Variants in FRMPD4 observed in about 807,000 individuals in gnomAD.
FRMPD4 encodes the protein FERM and PDZ domain containing 4.
In FRMPD4, 22 loss-of-function variants were observed where a neutral mutation model predicts 94.1. That is an observed-to-expected ratio of 0.23 (90% CI 0.17 to 0.33). The LOEUF (loss-of-function observed/expected upper bound fraction) is 0.33, where lower values mean the gene tolerates loss of function less well. FRMPD4 is among the 10% of genes least tolerant of loss of function. The pLI is 1.00. For missense variants in FRMPD4, 1,111 were observed against 1,339.9 expected (o/e 0.83, Z 2.67); for synonymous variants, 631 against 548.6 (o/e 1.15, Z -2.10).
chrX:12,661,913 G>C (rs1161173573), intron 4 of FRMPD4, among the ~76,000 whole-genome samples: 2 of 112,258 alleles, frequency 1.8e-5, no homozygotes, highest in East Asian at 5.6e-4. Context: ...ATCTTTGCCA[G>C]CAATTGACTA....
chrX:12,519,155 A>T (rs2058134592), intron 2 of FRMPD4, among the ~76,000 whole-genome samples: 1 of 112,481 alleles, frequency 8.9e-6, no homozygotes, highest in Non-Finnish European at 1.9e-5. Flanking sequence ...AATTCCTGTA[A>T]ATATGACAGT....
At chrX:12,590,616 T>A (rs2058973473) in intron 2 of FRMPD4, among the ~76,000 whole-genome samples, 1 of 112,516 alleles carries the variant, frequency 8.9e-6, no homozygotes, top group Admixed American at 9.4e-5. Context: ...TAAGCTTGTC[T>A]AAATTATATC....
At position 12,151,974 on chromosome X, in the gene FRMPD4, A is replaced by G. The variant is rs764750056; in HGVS notation, c.41+12962A>G. ...ACAGGAGGTAATCTGAGATGCCATT[A>G]AAATGATATTCAAATTTTATGCTAA... On this transcript the variant is annotated intron_variant, in intron 1 of 16. Coordinates refer to ENST00000675598, the MANE Select transcript of FRMPD4 (RefSeq NM_001368397.1). Among the ~76,000 whole-genome samples, 15 of 111,834 alleles carry G rather than the reference A, an allele frequency of 1.3e-4. No individual in the cohort carries two copies. The South Asian group carries it at 4.1e-3, about 31-fold the overall frequency.
chrX:12,602,435 G>A (rs1312284770), intron 2 of FRMPD4, among the ~76,000 whole-genome samples: 1 of 111,371 alleles, frequency 9.0e-6, no homozygotes, highest in African/African-American at 3.3e-5. Flanking sequence ...ATGCCACCAA[G>A]GATAATAAGG....
intron 1 of FRMPD4, among the ~76,000 whole-genome samples, chrX:12,304,992 T>C (rs138102280): frequency 0.013 from 1,414 of 111,908 alleles, 22 homozygotes; most frequent in African/African-American, 0.043. Flanking sequence ...GTAGTGAAGA[T>C]TGGAAATTTG....
intron 2 of FRMPD4, among the ~76,000 whole-genome samples, chrX:12,526,464 C>T (rs1293067112): frequency 8.9e-6 from 1 of 112,607 alleles, no homozygotes; most frequent in East Asian, 2.8e-4. Flanking sequence ...TGGGGCAAAT[C>T]GCGTTGTTAG....
chrX:12,544,045 T>A (rs1156846011), intron 2 of FRMPD4, among the ~76,000 whole-genome samples: 2 of 98,713 alleles, frequency 2.0e-5, no homozygotes, highest in Non-Finnish European at 4.0e-5. Context: ...ATGAGAACAC[T>A]TGGACACAGG....
chrX:12,141,507 C>T (rs768060724), intron 1 of FRMPD4, among the ~76,000 whole-genome samples: 1 of 111,571 alleles, frequency 9.0e-6, no homozygotes, highest in African/African-American at 3.3e-5. Flanking sequence ...TTTAACTATT[C>T]GTTTCCAGAA....
chrX:12,303,182 G>A (rs1399020695), intron 1 of FRMPD4, among the ~76,000 whole-genome samples: 1 of 112,035 alleles, frequency 8.9e-6, no homozygotes, highest in Non-Finnish European at 1.9e-5. Context: ...AAGAATTTCA[G>A]CATTGTTACT....
chrX:12,269,916 A>C (rs776524945), intron 1 of FRMPD4, among the ~76,000 whole-genome samples: 1 of 112,565 alleles, frequency 8.9e-6, no homozygotes, highest in Admixed American at 9.4e-5. Context: ...AACCATGTTT[A>C]ACTTAGAGGT....
rs180691326 is a variant in FRMPD4, at chrX:12,547,525, A to G, written c.158+48729A>G. Reference sequence around the variant, plus strand: ...CATTGGAACATAGCTACTCCTATTCATGGAACACAGCTACTCTTATTCCCA... The same window carrying G: ...CATTGGAACATAGCTACTCCTATTCGTGGAACACAGCTACTCTTATTCCCA... On this transcript the variant is annotated intron_variant, in intron 2 of 16. Coordinates refer to ENST00000675598, the MANE Select transcript of FRMPD4 (RefSeq NM_001368397.1). Among the ~76,000 whole-genome samples, 527 of 112,497 alleles carry G rather than the reference A, an allele frequency of 4.7e-3. 6 individuals carry two copies. Among genetic ancestry groups the G allele is most frequent in the African/African-American group, 0.016 (509 of 31,002 alleles).
intron 4 of FRMPD4, among the ~76,000 whole-genome samples, chrX:12,658,602 T>C (rs2059682924): frequency 8.9e-6 from 1 of 111,998 alleles, no homozygotes; most frequent in Admixed American, 9.4e-5. Context: ...GCACACAACC[T>C]GGTGGCCTGC....
chrX:11,965,380 C>T (rs1280977601), intron 3 of FRMPD4, among the ~76,000 whole-genome samples: 1 of 112,143 alleles, frequency 8.9e-6, no homozygotes, highest in Non-Finnish European at 1.9e-5. Context: ...TTTTATTCCC[C>T]TAGAAAGGAT....
intron 1 of FRMPD4, among the ~76,000 whole-genome samples, chrX:12,152,295 C>T (rs927179219): frequency 3.6e-5 from 4 of 111,670 alleles, no homozygotes; most frequent in African/African-American, 1.3e-4. Flanking sequence ...AAATAGTTTG[C>T]AACACTATGC....
At chrX:12,433,178 TAAAC>T in intron 1 of FRMPD4, among the ~76,000 whole-genome samples, 1 of 112,310 alleles carries the variant, frequency 8.9e-6, no homozygotes, top group African/African-American at 3.2e-5. Flanking sequence ...CCTGTTTTTG[TAAAC>T]AAAGTCATGG....
intron 3 of FRMPD4, among the ~76,000 whole-genome samples, chrX:12,004,212 G>C (rs1001690457): frequency 8.9e-6 from 1 of 111,940 alleles, no homozygotes; most frequent in South Asian, 3.7e-4. Context: ...TAGGAAAGAG[G>C]ACCTCTGCCT....
chrX:12,463,681 G>GTGTTT lies in FRMPD4; in HGVS notation c.42-34998_42-34997insGTTTT, dbSNP rs1555969426. ...GGGTGCCTGTGCCTCCTATGTGTGT[G>GTGTTT]TTTTTTTTTTGTTTTTGTTTTTTTT... On this transcript the variant is annotated intron_variant, in intron 1 of 16. Transcript: ENST00000675598. Among the ~76,000 whole-genome samples, 474 of 50,993 alleles carry GTGTTT rather than the reference G, an allele frequency of 9.3e-3. 72 individuals are homozygous for GTGTTT. Among genetic ancestry groups the GTGTTT allele is most frequent in the East Asian group, 0.011 (21 of 1,834 alleles). 44.3% of individuals were successfully genotyped at this position (50,993 alleles called of 115,157 possible).
At position 12,324,475 on chromosome X, in the gene FRMPD4, C is replaced by T. The variant is rs148313136; in HGVS notation, c.42-174205C>T. ...ATTTCTTGAGCTTGACAAATTGACA[C>T]ATTTGGCTTGTTTATTAATTGTTTT... On this transcript the variant is annotated intron_variant, in intron 1 of 16. Coordinates refer to ENST00000675598, the MANE Select transcript of FRMPD4 (RefSeq NM_001368397.1). Among the ~76,000 whole-genome samples the T allele has an allele frequency of 8.2e-3, 919 of 112,200 alleles. 12 individuals are homozygous for T. Among genetic ancestry groups the T allele is most frequent in the African/African-American group, 0.027 (835 of 30,961 alleles).
chrX:12,225,038 T>C (rs187673141), intron 1 of FRMPD4, among the ~76,000 whole-genome samples: 7 of 111,113 alleles, frequency 6.3e-5, no homozygotes, highest in African/African-American at 2.3e-4. Context: ...CCAGTAATAG[T>C]CTAACATTTC....
Sources: gnomAD v4.1 joint callset for allele counts (sites outside exome capture counted in the v4.1 genomes callset) on GRCh38, gnomAD v4.1.1 for gene constraint, MANE v1.5 for transcripts, NCBI Gene and HGNC (gene_info 2026-07-23, HGNC 2026-07-21) for gene names.